The following DOCK4 variants were observed in gnomAD, a reference collection of about 807,000 sequenced individuals.
DOCK4 encodes dedicator of cytokinesis 4.
Under a neutral mutation model 268.1 loss-of-function variants are expected in DOCK4, and 97 were observed. The ratio of observed to expected loss-of-function variants is 0.36; its 90% CI spans 0.31 to 0.43. The LOEUF (loss-of-function observed/expected upper bound fraction) is 0.43, where lower values mean the gene tolerates loss of function less well. Among genes scored for constraint, DOCK4 ranks in the 20% least tolerant of loss-of-function variants. The probability of loss-of-function intolerance (pLI) is 1.00; values close to 1 mark genes in which losing one functional copy is unlikely to be tolerated. For synonymous variants in DOCK4, 954 were observed against 887.2 expected (o/e 1.08, Z -1.34); for missense variants, 2,145 against 2,455.7 (o/e 0.87, Z 2.67).
intron 1 of DOCK4, among the ~76,000 whole-genome samples, chr7:112,056,870 G>T (rs1177446958): frequency 6.6e-6 from 1 of 151,932 alleles, no homozygotes; most frequent in African/African-American, 2.4e-5. Context: ...TATATACAAG[G>T]TTGAAATAAT....
chr7:112,125,506 A>C (rs547041429), intron 1 of DOCK4, among the ~76,000 whole-genome samples: 10 of 152,334 alleles, frequency 6.6e-5, no homozygotes, highest in East Asian at 5.8e-4. Context: ...GTTATAATTT[A>C]TACCATGCAG....
chr7:112,116,353 T>C (rs1008705751), intron 1 of DOCK4, among the ~76,000 whole-genome samples: 3 of 152,230 alleles, frequency 2.0e-5, no homozygotes, highest in African/African-American at 4.8e-5. Flanking sequence ...TTCATTCCTT[T>C]TTATGGCTCA....
At chr7:111,910,580 G>A (rs1792014811) in intron 13 of DOCK4, among the ~76,000 whole-genome samples, 1 of 152,152 alleles carries the variant, frequency 6.6e-6, no homozygotes, top group Admixed American at 6.5e-5. Flanking sequence ...TAACATATAT[G>A]GTTAAAACTA....
chr7:112,147,112 C>T (rs1815583075), intron 1 of DOCK4, among the ~76,000 whole-genome samples: 2 of 151,936 alleles, frequency 1.3e-5, no homozygotes, highest in Non-Finnish European at 2.9e-5. Flanking sequence ...GATGGTAATA[C>T]AGTTCTTATA....
At chr7:111,956,695 A>C (rs1796477736) in intron 8 of DOCK4, among the ~76,000 whole-genome samples, 1 of 152,204 alleles carries the variant, frequency 6.6e-6, no homozygotes, top group South Asian at 2.1e-4. Context: ...CTCTTGCAAC[A>C]TGTGGATTCA....
At chr7:111,895,794 C>T (rs566144361) in intron 15 of DOCK4, 76 bp from the exon 16 acceptor site, 36 of 1,382,424 alleles carry the variant, frequency 2.6e-5, no homozygotes, top group Non-Finnish European at 3.3e-5. Context: ...GCATAATCAT[C>T]GAGAAATATA....
At chr7:111,924,329 C>T (rs1326182653) in intron 12 of DOCK4, among the ~76,000 whole-genome samples, 2 of 152,128 alleles carry the variant, frequency 1.3e-5, no homozygotes, top group East Asian at 3.9e-4. Flanking sequence ...GTGGGTTACA[C>T]ATTTACTTTT....
intron 29 of DOCK4, among the ~76,000 whole-genome samples, 161 bp downstream of exon 29, chr7:111,809,140 T>C (rs950938880): frequency 2.0e-5 from 3 of 152,194 alleles, no homozygotes; most frequent in African/African-American, 7.2e-5. Context: ...GCAAACATGT[T>C]TGAAATATCA....
intron 1 of DOCK4, among the ~76,000 whole-genome samples, chr7:112,017,224 T>C (rs2135391330): frequency 6.6e-6 from 1 of 152,332 alleles, no homozygotes; most frequent in East Asian, 1.9e-4. Flanking sequence ...ATACTGTATG[T>C]ATGGCTTAAC....
chr7:112,082,566 C>T (rs375611132), intron 1 of DOCK4, among the ~76,000 whole-genome samples: 95 of 152,268 alleles, frequency 6.2e-4, no homozygotes, highest in African/African-American at 2.2e-3. Flanking sequence ...AATTATTTTT[C>T]TCTTCCTGTA....
chr7:111,957,824 C>G (rs1053382384), intron 8 of DOCK4, among the ~76,000 whole-genome samples: 2 of 152,126 alleles, frequency 1.3e-5, no homozygotes, highest in South Asian at 4.1e-4. Flanking sequence ...TAAAGCTCAA[C>G]TGAAATAAAA....
chr7:112,064,931 G>A (rs948796299), intron 1 of DOCK4, among the ~76,000 whole-genome samples: 3 of 152,174 alleles, frequency 2.0e-5, no homozygotes, highest in African/African-American at 7.2e-5. Flanking sequence ...CATCAGAGAG[G>A]CCTCTGGAGA....
chr7:112,043,971 T>G (rs1804622056), intron 1 of DOCK4, among the ~76,000 whole-genome samples: 1 of 151,046 alleles, frequency 6.6e-6, no homozygotes, highest in African/African-American at 2.4e-5. Flanking sequence ...AAATCATAGC[T>G]GCAGCTTCTC....
At chr7:111,935,741 TCC>T in intron 11 of DOCK4, 113 bp from the exon 12 acceptor site, 4 of 877,572 alleles carry the variant, frequency 4.6e-6, no homozygotes, top group Non-Finnish European at 7.1e-6. Context: ...CTCCTTGAGG[TCC>T]CCATCAACCT....
intron 8 of DOCK4, among the ~76,000 whole-genome samples, chr7:111,971,063 A>G (rs1797670957): frequency 6.6e-6 from 1 of 152,212 alleles, no homozygotes; most frequent in African/African-American, 2.4e-5. Context: ...CGAGAAAGGG[A>G]GTACTTTTAC....
In DOCK4 at chr7:111,760,195, T is replaced by C. The variant is rs1797288734; in HGVS notation, c.4148A>G (p.Gln1383Arg). 6.2e-7 allele frequency: 1 copy of C among 1,613,964 alleles called. No homozygotes were observed. Among genetic ancestry groups the C allele is most frequent in the Non-Finnish European group, 8.5e-7 (1 of 1,179,866 alleles). ...GGTGCGGATACACTGAGCTTCTGCC[T>C]GGAAGATGGTCTCATCGGGCTGGTT... ...HANQPDETIFQAEAQYLQIYA... is the reference protein window; with the variant it reads ...HANQPDETIFRAEAQYLQIYA... The change falls in exon 40 of 53, where the codon CAG (glutamine) becomes CGG (arginine). Residue 1383 changes from glutamine to arginine, a missense_variant. Around this residue, in one of 2 missense-constraint regions of DOCK4, gnomAD observed 1,598 missense variants for 1,986.7 expected, o/e 0.80. Coordinates refer to ENST00000428084, the MANE Select transcript of DOCK4 (RefSeq NM_001363540.2).
At chr7:112,029,500 C>T (rs907024255) in intron 1 of DOCK4, among the ~76,000 whole-genome samples, 1 of 152,156 alleles carries the variant, frequency 6.6e-6, no homozygotes, top group African/African-American at 2.4e-5. Context: ...ATTTGCAGTA[C>T]GAGACCAGCA....
chr7:111,976,140 CAAA>C (rs1166982968), intron 8 of DOCK4, among the ~76,000 whole-genome samples: 103 of 28,912 alleles, frequency 3.6e-3, no homozygotes, highest in African/African-American at 4.3e-3. Flanking sequence ...GACTCCATCT[CAAA>C]AAAAAAAAAA....
chr7:112,029,731 G>A (rs955554950), intron 1 of DOCK4, among the ~76,000 whole-genome samples: 6 of 152,190 alleles, frequency 3.9e-5, no homozygotes, highest in Non-Finnish European at 8.8e-5. Context: ...TGGGTGGTTT[G>A]TTTGCATGTG....
Sources: allele counts gnomAD v4.1 joint callset (sites outside exome capture counted in the v4.1 genomes callset), GRCh38; gene constraint gnomAD v4.1.1; regional missense constraint gnomAD v4.1.1; transcripts MANE v1.5; gene names NCBI Gene and HGNC (gene_info 2026-07-23, HGNC 2026-07-21).